Variants in DSCAML1 observed in about 807,000 individuals in gnomAD.
DSCAML1 encodes cell adhesion molecule DSCAML1.
In DSCAML1, 38 loss-of-function variants were observed where a neutral mutation model predicts 200.5. The ratio of observed to expected loss-of-function variants is 0.19; its 90% CI spans 0.15 to 0.25. The LOEUF (loss-of-function observed/expected upper bound fraction) is 0.25. Ranked by LOEUF, DSCAML1 falls within the 10% of genes least tolerant of loss-of-function variation. DSCAML1 has a pLI of 1.00. For missense variants in DSCAML1, 2,223 were observed against 2,858.8 expected (o/e 0.78, Z 5.07); for synonymous variants, 1,215 against 1,165.0 (o/e 1.04, Z -0.87).
chr11:117,773,528 T>TGC, intron 3 of DSCAML1, among the ~76,000 whole-genome samples: 1 of 49,252 alleles, frequency 2.0e-5, no homozygotes, highest in Middle Eastern at 0.01. Context: ...CACCTCAAAA[T>TGC]GCACACACAC....
intron 3 of DSCAML1, among the ~76,000 whole-genome samples, chr11:117,676,803 CCA>C (rs1357377271): frequency 6.6e-6 from 1 of 152,232 alleles, no homozygotes; most frequent in Admixed American, 6.5e-5. Flanking sequence ...CCCAGAGGGC[CCA>C]GTGTTATGCC....
chr11:117,633,888 C>T (rs1293150038), intron 3 of DSCAML1, among the ~76,000 whole-genome samples: 3 of 152,114 alleles, frequency 2.0e-5, no homozygotes, highest in Admixed American at 6.5e-5. Context: ...GCAGGGCAGG[C>T]GCTTTGGCAT....
chr11:117,701,614 G>C lies in DSCAML1; in HGVS notation c.511+75177C>G, dbSNP rs568548839. Among the ~76,000 whole-genome samples, 82 of 152,266 alleles carry C rather than the reference G, an allele frequency of 5.4e-4. 1 individual carries two copies. The highest frequency in any genetic ancestry group is 4.8e-3 in the Admixed American group (74 of 15,300). ...CCCCTTCAGAAAGCCAGCGCGGGGT[G>C]GGGGAGGCCTGTGTTTCCATCCCAT... On this transcript the variant is annotated intron_variant, in intron 3 of 32. Transcript: ENST00000651296.
chr11:117,613,451 T>G (rs1227464109), intron 3 of DSCAML1, among the ~76,000 whole-genome samples: 1 of 152,082 alleles, frequency 6.6e-6, no homozygotes, highest in Non-Finnish European at 1.5e-5. Flanking sequence ...TCTCCTCTTC[T>G]CCATGCTCAA....
intron 3 of DSCAML1, among the ~76,000 whole-genome samples, chr11:117,741,223 G>A (rs77719730): frequency 0.023 from 3,498 of 152,320 alleles, 66 homozygotes; most frequent in Middle Eastern, 0.044. Flanking sequence ...ACATCTAGGT[G>A]GGGCACCTAC....
intron 3 of DSCAML1, among the ~76,000 whole-genome samples, chr11:117,734,345 G>T (rs1194386573): frequency 1.3e-5 from 2 of 152,154 alleles, no homozygotes; most frequent in African/African-American, 4.8e-5. Flanking sequence ...GGGAGAGATG[G>T]GTCCAATAGA....
chr11:117,739,801 A>C (rs199884067), intron 3 of DSCAML1, among the ~76,000 whole-genome samples: 13,446 of 152,230 alleles, frequency 0.088, 1,100 homozygotes, highest in African/African-American at 0.21. Context: ...TGCAATGGGC[A>C]AATCTGAGAT....
At chr11:117,543,658 A>T (rs940768084) in intron 3 of DSCAML1, among the ~76,000 whole-genome samples, 3 of 152,152 alleles carry the variant, frequency 2.0e-5, no homozygotes, top group Non-Finnish European at 4.4e-5. Context: ...AACACCTGTT[A>T]ACCTTTCTGG....
intron 3 of DSCAML1, among the ~76,000 whole-genome samples, chr11:117,669,201 T>G (rs1262033340): frequency 6.6e-6 from 1 of 152,210 alleles, no homozygotes; most frequent in African/African-American, 2.4e-5. Context: ...CCAAAGGGCT[T>G]CCTGCTGGGG....
chr11:117,572,364 C>T (rs2050861528), intron 3 of DSCAML1, among the ~76,000 whole-genome samples: 1 of 152,224 alleles, frequency 6.6e-6, no homozygotes, highest in Non-Finnish European at 1.5e-5. Context: ...GAGGAAATGT[C>T]ACCCAGCTGG....
At chr11:117,648,072 C>T (rs543566806) in intron 3 of DSCAML1, among the ~76,000 whole-genome samples, 2 of 152,356 alleles carry the variant, frequency 1.3e-5, no homozygotes, top group African/African-American at 2.4e-5. Flanking sequence ...TGCCCAGCCA[C>T]ACCCACAAGT....
intron 3 of DSCAML1, among the ~76,000 whole-genome samples, chr11:117,658,152 G>A (rs59931457): frequency 0.075 from 11,451 of 152,190 alleles, 847 homozygotes; most frequent in African/African-American, 0.19. Flanking sequence ...AGCACAGGAC[G>A]GAATGCAAGC....
At chr11:117,732,091 C>T (rs1235321089) in intron 3 of DSCAML1, among the ~76,000 whole-genome samples, 2 of 152,222 alleles carry the variant, frequency 1.3e-5, no homozygotes, top group Non-Finnish European at 2.9e-5. Context: ...AAAGGCACTG[C>T]CCCTCCCAGG....
intron 3 of DSCAML1, among the ~76,000 whole-genome samples, chr11:117,592,251 T>G (rs1212320842): frequency 6.6e-6 from 1 of 152,128 alleles, no homozygotes; most frequent in African/African-American, 2.4e-5. Context: ...ACTCCGTAAC[T>G]CACAGTGCAC....
chr11:117,683,877 G>C (rs972150660), intron 3 of DSCAML1, among the ~76,000 whole-genome samples: 1 of 152,294 alleles, frequency 6.6e-6, no homozygotes, highest in Non-Finnish European at 1.5e-5. Flanking sequence ...GCTGTCTCCT[G>C]TCATCACCCC....
intron 3 of DSCAML1, among the ~76,000 whole-genome samples, chr11:117,675,470 A>ATTTTT (rs533948278): frequency 0.033 from 3,222 of 96,898 alleles, 92 homozygotes; most frequent in Non-Finnish European, 0.046. Context: ...GCTGATTGAA[A>ATTTTT]TTTTTTTTTT....
chr11:117,474,929 G>A (rs1409866445), intron 14 of DSCAML1, among the ~76,000 whole-genome samples: 1 of 151,960 alleles, frequency 6.6e-6, no homozygotes, highest in Non-Finnish European at 1.5e-5. Context: ...TAATTTTTTT[G>A]TATTTTTAGT....
intron 17 of DSCAML1, 40 bp from the exon 18 acceptor site, chr11:117,461,636 A>C (rs588048): frequency 3.1e-6 from 5 of 1,594,004 alleles, no homozygotes; most frequent in Non-Finnish European, 8.5e-7. Context: ...CCAGTCAGTC[A>C]TGGATGTGAG....
rs1224029836 is a variant in DSCAML1, at chr11:117,480,926, C to G, written c.2656+248G>C. ...GGAACCTGACTCCCCCACCCCTCCCCAGAAGGGTCAGTGGAATCTATAGCG... is the reference window on the plus strand; with the variant it reads ...GGAACCTGACTCCCCCACCCCTCCCGAGAAGGGTCAGTGGAATCTATAGCG... On this transcript the variant is annotated intron_variant, in intron 13 of 32. Coordinates refer to ENST00000651296, the MANE Select transcript of DSCAML1 (RefSeq NM_020693.4). The surrounding 1 kb of genome is among the most constrained non-coding windows in gnomAD (Gnocchi z 4.1). 3.3e-5 allele frequency among the ~76,000 whole-genome samples: 5 copies of G among 152,230 alleles called. No homozygotes were observed. Among genetic ancestry groups the G allele is most frequent in the Non-Finnish European group, 5.9e-5 (4 of 68,046 alleles).
Sources: gnomAD v4.1 joint callset for allele counts (sites outside exome capture counted in the v4.1 genomes callset) on GRCh38, gnomAD v4.1.1 for gene constraint, Gnocchi (gnomAD v3.1) non-coding constraint, MANE v1.5 for transcripts, NCBI Gene and HGNC (gene_info 2026-07-23, HGNC 2026-07-21) for gene names.